Variants in JMJD1C observed in about 807,000 individuals in gnomAD.
JMJD1C encodes the protein jumonji domain containing 1C.
Under a neutral mutation model 245.3 loss-of-function variants are expected in JMJD1C, and 31 were observed. The observed-to-expected ratio is 0.13, with a 90% CI of 0.09 to 0.17. The LOEUF is 0.17. JMJD1C is among the 10% of genes least tolerant of loss of function. The pLI is 1.00. For synonymous variants in JMJD1C, 1,057 were observed against 1,017.4 expected (o/e 1.04, Z -0.74); for missense variants, 2,691 against 3,000.2 (o/e 0.90, Z 2.41).
At chr10:63,309,034 T>C (rs949548683) in intron 2 of JMJD1C, among the ~76,000 whole-genome samples, 2 of 152,124 alleles carry the variant, frequency 1.3e-5, no homozygotes, top group Non-Finnish European at 2.9e-5. Context: ...ATCTTCAGAA[T>C]AGTAATTTCC....
intron 2 of JMJD1C, among the ~76,000 whole-genome samples, chr10:63,365,413 A>C (rs554020911): frequency 6.6e-6 from 1 of 152,318 alleles, no homozygotes; most frequent in South Asian, 2.1e-4. Context: ...TCCTTTTAAG[A>C]CTTTTCCTGA....
At chr10:63,313,941 T>A (rs1185793218) in intron 2 of JMJD1C, among the ~76,000 whole-genome samples, 1 of 152,202 alleles carries the variant, frequency 6.6e-6, no homozygotes, top group Non-Finnish European at 1.5e-5. Flanking sequence ...TCCCACCTAT[T>A]TATCTTTGTT....
chr10:63,311,833 T>G lies in JMJD1C; in HGVS notation c.334-47069A>C, dbSNP rs555175770. On this transcript the variant is annotated intron_variant, in intron 2 of 25. Coordinates refer to ENST00000399262, the MANE Select transcript of JMJD1C (RefSeq NM_032776.3). The stretch of plus-strand genomic sequence containing the variant: ...AGTACAAGAACACTTTTATTTCAAG[T>G]AGAAATGGTCTGGAATAAGTAGGCA... 7.5e-4 allele frequency among the ~76,000 whole-genome samples: 114 copies of G among 152,214 alleles called. 2 individuals are homozygous for G. In the South Asian group the frequency reaches 0.019, roughly 26 times the overall value.
chr10:63,258,526 T>A (rs187209640), intron 3 of JMJD1C, among the ~76,000 whole-genome samples: 87 of 152,330 alleles, frequency 5.7e-4, no homozygotes, highest in Admixed American at 4.8e-3. Flanking sequence ...CTTCTTTAGC[T>A]AAGCTGACAT....
intron 11 of JMJD1C, among the ~76,000 whole-genome samples, chr10:63,199,912 A>G (rs1011065364): frequency 1.1e-4 from 16 of 152,290 alleles, no homozygotes; most frequent in Non-Finnish European, 1.8e-4. Context: ...TACTTATCTC[A>G]TTTAACCTTC....
rs867998036 is a variant in JMJD1C, at chr10:63,351,015, T to C, written c.333+29303A>G. On this transcript the variant is annotated intron_variant, in intron 2 of 25. Transcript: ENST00000399262. ...CATATTTAATATACATCTATATATA[T>C]TACATTAACATTTGATATAGATTCT... Among the ~76,000 whole-genome samples, 9 of 152,140 alleles carry C rather than the reference T, an allele frequency of 5.9e-5. No individual in the cohort carries two copies. In the South Asian group the frequency reaches 8.3e-4, roughly 14 times the overall value.
chr10:63,263,665 C>G (rs1472816191), intron 3 of JMJD1C, among the ~76,000 whole-genome samples: 1 of 152,142 alleles, frequency 6.6e-6, no homozygotes, highest in Non-Finnish European at 1.5e-5. Context: ...GGTGTGGTGG[C>G]TCACGCCTGT....
chr10:63,270,877 T>A (rs1856213560), intron 2 of JMJD1C, among the ~76,000 whole-genome samples: 1 of 152,162 alleles, frequency 6.6e-6, no homozygotes, highest in African/African-American at 2.4e-5. Context: ...AATTTGTGGC[T>A]CTATGTAAAA....
chr10:63,431,776 G>A (rs1329995408), intron 1 of JMJD1C, among the ~76,000 whole-genome samples: 1 of 152,218 alleles, frequency 6.6e-6, no homozygotes, highest in African/African-American at 2.4e-5. Flanking sequence ...CACTTTGGGA[G>A]GCCGAGGCGG....
intron 2 of JMJD1C, among the ~76,000 whole-genome samples, chr10:63,298,008 G>A (rs901333888): frequency 6.6e-6 from 1 of 152,230 alleles, no homozygotes; most frequent in Non-Finnish European, 1.5e-5. Context: ...TCCACACGCG[G>A]GTGCTGCAGC....
At chr10:63,287,540 T>C (rs1589389970) in intron 2 of JMJD1C, among the ~76,000 whole-genome samples, 1 of 152,212 alleles carries the variant, frequency 6.6e-6, no homozygotes, top group South Asian at 2.1e-4. Context: ...AGAATCGTTA[T>C]GTTATGAATG....
rs1452187493 is a variant in JMJD1C, at chr10:63,380,381, G to A, written c.270C>T (p.Ala90=). The A allele has an allele frequency of 3.1e-6, 5 of 1,613,674 alleles. No homozygotes were observed. The African/African-American group carries it at 5.3e-5, about 17-fold the overall frequency. ...GAGTCTGGCTAGGGTCATTCCTTTT[G>A]GCCCAGATTAAGTGGTATTCCACCA... The part of the protein sequence containing the change: ...TFLVEYHLIW[A]KRNDPSQTQG... Residue 90 remains alanine (A), a synonymous_variant, in exon 2 of 26, where the codon GCC becomes GCT. Transcript: ENST00000399262.
intron 3 of JMJD1C, among the ~76,000 whole-genome samples, 154 bp from the exon 4 acceptor site, chr10:63,220,137 T>C (rs563979451): frequency 3.3e-5 from 5 of 152,234 alleles, no homozygotes; most frequent in Non-Finnish European, 5.9e-5. Flanking sequence ...TCATTGGCAA[T>C]TGTGTAACAA....
At chr10:63,241,259 C>T (rs922704461) in intron 3 of JMJD1C, among the ~76,000 whole-genome samples, 2 of 152,184 alleles carry the variant, frequency 1.3e-5, no homozygotes, top group African/African-American at 4.8e-5. Context: ...AGCTCAGGAA[C>T]ATACTGAATG....
At chr10:63,186,492 G>T in intron 18 of JMJD1C, 109 bp from the exon 19 acceptor site, 1 of 831,820 alleles carries the variant, frequency 1.2e-6, no homozygotes, top group Non-Finnish European at 1.8e-6. Context: ...AGGCTGGAGA[G>T]CAGTGGCCTC....
chr10:63,376,167 T>G (rs1946724423), intron 2 of JMJD1C, among the ~76,000 whole-genome samples: 1 of 152,100 alleles, frequency 6.6e-6, no homozygotes. Flanking sequence ...TGTAACAGTG[T>G]CAAGACCATT....
chr10:63,228,102 G>A (rs921228374), intron 3 of JMJD1C, among the ~76,000 whole-genome samples: 1 of 152,034 alleles, frequency 6.6e-6, no homozygotes, highest in Non-Finnish European at 1.5e-5. Flanking sequence ...TATAATAAGG[G>A]CTAGCAAACA....
chr10:63,375,705 C>T (rs958762047), intron 2 of JMJD1C, among the ~76,000 whole-genome samples: 1 of 152,006 alleles, frequency 6.6e-6, no homozygotes, highest in Non-Finnish European at 1.5e-5. Flanking sequence ...CGTGAGCCAC[C>T]ACACTCGGCT....
At chr10:63,354,027 G>A (rs2134309800) in intron 2 of JMJD1C, among the ~76,000 whole-genome samples, 1 of 152,224 alleles carries the variant, frequency 6.6e-6, no homozygotes, top group South Asian at 2.1e-4. Context: ...TTTTAGTAAA[G>A]ACGGGGTTTC....
Sources: allele counts gnomAD v4.1 joint callset (sites outside exome capture counted in the v4.1 genomes callset), GRCh38; gene constraint gnomAD v4.1.1; transcripts MANE v1.5; gene names NCBI Gene and HGNC (gene_info 2026-07-23, HGNC 2026-07-21).